The following CCDC102B variants were observed in gnomAD, a reference collection of about 807,000 sequenced individuals.
The protein encoded by CCDC102B is coiled-coil domain-containing protein 102B.
CCDC102B carries 75 observed loss-of-function variants against 57.4 expected under a neutral mutation model. The ratio of observed to expected loss-of-function variants is 1.31; its 90% CI spans 1.08 to 1.58. CCDC102B has a LOEUF of 1.58. Ranked by LOEUF, CCDC102B falls within the 40% of genes most tolerant of loss-of-function variation. CCDC102B has a pLI of 0.00. For missense variants in CCDC102B, 636 were observed against 582.6 expected (o/e 1.09, Z -0.94); for synonymous variants, 206 against 201.9 (o/e 1.02, Z -0.17).
At chr18:68,827,858 A>G (rs2036967898) in intron 1 of CCDC102B, among the ~76,000 whole-genome samples, 1 of 152,000 alleles carries the variant, frequency 6.6e-6, no homozygotes, top group South Asian at 2.1e-4. Context: ...AAAGGATGGA[A>G]AAAAGTAACT....
intron 7 of CCDC102B, among the ~76,000 whole-genome samples, chr18:69,045,242 G>A (rs2052531245): frequency 6.6e-6 from 1 of 151,936 alleles, no homozygotes; most frequent in Non-Finnish European, 1.5e-5. Flanking sequence ...TATTCATGAA[G>A]CATTCAATAT....
chr18:69,052,275 A>G (rs940362474), intron 7 of CCDC102B, among the ~76,000 whole-genome samples: 4 of 152,048 alleles, frequency 2.6e-5, no homozygotes, highest in African/African-American at 9.6e-5. Flanking sequence ...AGGGATTGAC[A>G]AAAGTTTTCA....
chr18:68,904,904 G>A (rs1446627480), intron 6 of CCDC102B, among the ~76,000 whole-genome samples: 6 of 151,990 alleles, frequency 3.9e-5, no homozygotes, highest in Non-Finnish European at 5.9e-5. Flanking sequence ...GCTATGTTTT[G>A]CTAAAATCAT....
rs933277237 is a variant in CCDC102B, at chr18:68,787,572, G to A, written c.-66-35794G>A. Among the ~76,000 whole-genome samples, 30 of 151,612 alleles carry A rather than the reference G, an allele frequency of 2.0e-4. No homozygotes were observed. In the South Asian group the frequency reaches 5.8e-3, roughly 30 times the overall value. On this transcript the variant is annotated intron_variant, in intron 2 of 3. Coordinates refer to the CCDC102B transcript ENST00000578970. The stretch of plus-strand genomic sequence containing the variant: ...TTAGTCTTGGGAGAGTGTATATGTC[G>A]AGGAATTTATCCATTTCTTCTAGAT...
At position 69,037,917 on chromosome 18, in the gene CCDC102B, T is replaced by C. The variant is rs112571095; in HGVS notation, c.1435-16113T>C. 1.3e-3 allele frequency among the ~76,000 whole-genome samples: 203 copies of C among 152,038 alleles called. 1 individual carries two copies. The highest frequency in any genetic ancestry group is 4.5e-3 in the African/African-American group (186 of 41,526). ...TCTTTGAGGTAAACCAGATGAGAGATTGTAAAAGCCTTGATCACACCTCAG... is the reference window on the plus strand; with the variant it reads ...TCTTTGAGGTAAACCAGATGAGAGACTGTAAAAGCCTTGATCACACCTCAG... On this transcript the variant is annotated intron_variant, in intron 7 of 7. Coordinates refer to ENST00000360242, the MANE Select transcript of CCDC102B (RefSeq NM_024781.3).
chr18:68,809,402 G>C (rs373392933), intron 1 of CCDC102B, among the ~76,000 whole-genome samples: 2 of 152,162 alleles, frequency 1.3e-5, no homozygotes, highest in Admixed American at 6.5e-5. Context: ...TTGTGTTATA[G>C]TTGGTGTTAT....
At chr18:68,834,792 T>G (rs972309087) in intron 1 of CCDC102B, among the ~76,000 whole-genome samples, 31 of 151,950 alleles carry the variant, frequency 2.0e-4, no homozygotes, top group Admixed American at 4.6e-4. Context: ...AATATTCATC[T>G]TTTAAAATAT....
At chr18:69,047,492 G>T (rs939851006) in intron 7 of CCDC102B, among the ~76,000 whole-genome samples, 1 of 152,188 alleles carries the variant, frequency 6.6e-6, no homozygotes, top group African/African-American at 2.4e-5. Context: ...AGATAAAGAT[G>T]CCTTGTCTCA....
chr18:69,049,940 G>C (rs1226295852), intron 7 of CCDC102B, among the ~76,000 whole-genome samples: 1 of 152,008 alleles, frequency 6.6e-6, no homozygotes, highest in African/African-American at 2.4e-5. Flanking sequence ...CTCCTGAGTA[G>C]CTGGGATTAC....
intron 7 of CCDC102B, among the ~76,000 whole-genome samples, chr18:69,024,347 C>T (rs2051927083): frequency 6.6e-6 from 1 of 151,996 alleles, no homozygotes; most frequent in Non-Finnish European, 1.5e-5. Context: ...TATATTTCAA[C>T]ACTCAGAGTT....
rs2145269332 is a variant in CCDC102B, at chr18:68,974,294, C to A, written c.1264-36640C>A. Reference sequence around the variant, plus strand: ...TGCCATGTGAGGACCCAGCGTTCCTCTGCTCAGTGTTCAAGGGACCATGTT... The same window carrying A: ...TGCCATGTGAGGACCCAGCGTTCCTATGCTCAGTGTTCAAGGGACCATGTT... On this transcript the variant is annotated intron_variant, in intron 6 of 7. Coordinates refer to ENST00000360242, the MANE Select transcript of CCDC102B (RefSeq NM_024781.3). Among the ~76,000 whole-genome samples the A allele has an allele frequency of 2.0e-5, 3 of 152,142 alleles. No homozygotes were observed. In the South Asian group the frequency reaches 6.2e-4, roughly 32 times the overall value.
intron 2 of CCDC102B, among the ~76,000 whole-genome samples, chr18:68,762,861 C>T (rs903908122): frequency 4.6e-5 from 7 of 152,146 alleles, no homozygotes; most frequent in East Asian, 1.9e-4. Flanking sequence ...TTCTGATTGA[C>T]GGCAGTTGGG....
intron 6 of CCDC102B, among the ~76,000 whole-genome samples, chr18:68,944,574 A>G (rs904209308): frequency 1.2e-4 from 18 of 151,938 alleles, no homozygotes; most frequent in Admixed American, 7.2e-4. Flanking sequence ...CCAATTCATG[A>G]GAGCAAAGCT....
intron 6 of CCDC102B, among the ~76,000 whole-genome samples, chr18:68,935,893 G>T (rs1024445102): frequency 2.6e-5 from 4 of 151,806 alleles, no homozygotes; most frequent in Admixed American, 2.6e-4. Context: ...ACTGTCCATG[G>T]TTCCCACTCT....
At chr18:68,777,519 T>C (rs553530774) in intron 2 of CCDC102B, among the ~76,000 whole-genome samples, 1 of 152,334 alleles carries the variant, frequency 6.6e-6, no homozygotes, top group Non-Finnish European at 1.5e-5. Context: ...TAATAATTCT[T>C]AGTTTCCTTA....
At chr18:68,765,974 GGAAA>G in intron 2 of CCDC102B, among the ~76,000 whole-genome samples, 1 of 151,844 alleles carries the variant, frequency 6.6e-6, no homozygotes, top group South Asian at 2.1e-4. Flanking sequence ...TGGCTTGTTA[GGAAA>G]GACTGAAAAT....
intron 6 of CCDC102B, among the ~76,000 whole-genome samples, chr18:69,007,713 G>A (rs1218280407): frequency 6.6e-6 from 1 of 152,160 alleles, no homozygotes; most frequent in Non-Finnish European, 1.5e-5. Context: ...AATATAGTTT[G>A]ACAAAAGCAT....
At chr18:68,925,804 A>G (rs777071231) in intron 6 of CCDC102B, among the ~76,000 whole-genome samples, 24 of 152,020 alleles carry the variant, frequency 1.6e-4, no homozygotes, top group Admixed American at 4.6e-4. Flanking sequence ...TGAATCATCA[A>G]AAAGCCCCCT....
intron 1 of CCDC102B, among the ~76,000 whole-genome samples, chr18:68,809,843 A>T (rs1477964514): frequency 6.6e-6 from 1 of 152,214 alleles, no homozygotes; most frequent in Non-Finnish European, 1.5e-5. Context: ...ATATCATTAT[A>T]TACATGTGTG....
Sources: gnomAD v4.1 joint callset for allele counts (sites outside exome capture counted in the v4.1 genomes callset) on GRCh38, gnomAD v4.1.1 for gene constraint, MANE v1.5 for transcripts, NCBI Gene and HGNC (gene_info 2026-07-23, HGNC 2026-07-21) for gene names.